Variants in CFAP47 observed in about 807,000 individuals in gnomAD.
CFAP47 encodes cilia and flagella associated protein 47, also known as cilia- and flagella-associated protein 47.
CFAP47 carries 29 observed loss-of-function variants against 148.1 expected under a neutral mutation model. The ratio of observed to expected loss-of-function variants is 0.20; its 90% CI spans 0.15 to 0.27. The LOEUF is 0.27. CFAP47 is among the 10% of genes least tolerant of loss of function. The pLI, the probability that CFAP47 is intolerant of heterozygous loss-of-function variation, is 1.00. For synonymous variants in CFAP47, 664 were observed against 577.3 expected (o/e 1.15, Z -2.15); for missense variants, 1,872 against 1,697.5 (o/e 1.10, Z -1.81).
chrX:36,031,105 A>G (rs1937273599), intron 22 of CFAP47, 148 bp from the exon 23 acceptor site: 1 of 245,797 alleles, frequency 4.1e-6, no homozygotes, highest in South Asian at 2.5e-4. Context: ...ATGTTTTTAA[A>G]TGTTATTTTA....
At chrX:36,318,596 G>C (rs1167157952) in intron 56 of CFAP47, among the ~76,000 whole-genome samples, 1 of 111,749 alleles carries the variant, frequency 8.9e-6, no homozygotes, top group Non-Finnish European at 1.9e-5. Flanking sequence ...ATGATGTAGG[G>C]AATAAAGACC....
intron 4 of CFAP47, among the ~76,000 whole-genome samples, chrX:35,948,838 G>T (rs1936124030): frequency 9.5e-6 from 1 of 104,748 alleles, no homozygotes; most frequent in Non-Finnish European, 2.0e-5. Flanking sequence ...GGGAGTTAGT[G>T]ATGGGAGTAG....
At chrX:35,953,747 A>T in intron 7 of CFAP47, 28 bp downstream of exon 7, 1 of 1,120,634 alleles carries the variant, frequency 8.9e-7, no homozygotes, top group Non-Finnish European at 1.2e-6. Flanking sequence ...AAAATTATCA[A>T]ATCCGTAGCC....
At chrX:36,235,691 A>C (rs2146909148) in intron 46 of CFAP47, among the ~76,000 whole-genome samples, 1 of 112,356 alleles carries the variant, frequency 8.9e-6, no homozygotes, top group African/African-American at 3.2e-5. Flanking sequence ...GGAAATGCAG[A>C]AATCACCCGT....
At chrX:36,177,496 A>T (rs1474829984) in intron 39 of CFAP47, among the ~76,000 whole-genome samples, 1 of 111,997 alleles carries the variant, frequency 8.9e-6, no homozygotes, top group Non-Finnish European at 1.9e-5. Flanking sequence ...GCTGACTTTA[A>T]ATGTAAATTA....
intron 16 of CFAP47, chrX:35,989,860 A>G (rs2146682987): frequency 6.9e-6 from 1 of 145,567 alleles, no homozygotes; most frequent in Non-Finnish European, 1.3e-5. Context: ...CTTTTACTAA[A>G]CCCCATCTAT....
chrX:36,171,978 A>C (rs1428252452), intron 39 of CFAP47, among the ~76,000 whole-genome samples: 8 of 109,471 alleles, frequency 7.3e-5, no homozygotes, highest in African/African-American at 2.0e-4. Flanking sequence ...TTTCCTTGAG[A>C]AGTGGTTTGT....
In CFAP47 at chrX:36,011,894, G is replaced by A. The variant is rs145422087; in HGVS notation, c.3418-2880G>A. On this transcript the variant is annotated intron_variant, in intron 21 of 63. Transcript: ENST00000378653. ...ATCAATTTTGGCTTTTGTTGCAATC[G>A]CTTTTGGTGTTTTAGTCATGAAGGC... is the stretch of plus-strand genomic sequence containing the variant. 1.4e-3 allele frequency among the ~76,000 whole-genome samples: 159 copies of A among 111,739 alleles called. 1 individual carries two copies. The highest frequency in any genetic ancestry group is 4.6e-3 in the Middle Eastern group (1 of 217).
At position 35,966,510 on chromosome X, in the gene CFAP47, G is replaced by A; in HGVS notation, c.1411-55G>A. Reference sequence around the variant, plus strand: ...AACTGGTTTTTTTTTTAGATTTGCTGTTAACTTTTTTTCTACCAATTTATT... The same window carrying A: ...AACTGGTTTTTTTTTTAGATTTGCTATTAACTTTTTTTCTACCAATTTATT... On this transcript the variant is annotated intron_variant, in intron 8 of 63. Transcript: ENST00000378653. The A allele has an allele frequency of 4.9e-6, 4 of 821,786 alleles. No homozygotes were observed. The African/African-American group carries it at 6.5e-5, about 13-fold the overall frequency. 67.7% of individuals were successfully genotyped at this position (821,786 alleles called of 1,213,427 possible).
chrX:36,291,998 TTCTC>T (rs1418119532), intron 51 of CFAP47, among the ~76,000 whole-genome samples: 1 of 111,314 alleles, frequency 9.0e-6, no homozygotes, highest in Non-Finnish European at 1.9e-5. Context: ...TAGTTTTCTT[TTCTC>T]TCTCAAGGTT....
intron 2 of CFAP47, among the ~76,000 whole-genome samples, chrX:35,937,910 C>T (rs1004900503): frequency 9.0e-6 from 1 of 111,668 alleles, no homozygotes; most frequent in Non-Finnish European, 1.9e-5. Context: ...TCTACATTTT[C>T]GTACATCAAC....
chrX:36,219,340 C>T (rs1555990504), intron 45 of CFAP47, among the ~76,000 whole-genome samples: 1 of 111,430 alleles, frequency 9.0e-6, no homozygotes. Flanking sequence ...TCTATTTAAT[C>T]TTAATGATGG....
chrX:35,987,871 G>A (rs759845340), intron 15 of CFAP47, among the ~76,000 whole-genome samples: 9 of 111,419 alleles, frequency 8.1e-5, no homozygotes, highest in East Asian at 5.7e-4. Context: ...GGAGTTTCCC[G>A]ACCACTTGTG....
At chrX:36,159,646 GTTATACATT>G in intron 38 of CFAP47, 70 bp downstream of exon 38, 1 of 292,141 alleles carries the variant, frequency 3.4e-6, no homozygotes, top group Non-Finnish European at 6.0e-6. Context: ...GCATGTTATT[GTTATACATT>G]TTATCTCTAG....
chrX:35,929,923 T>C (rs1935800989), intron 2 of CFAP47, among the ~76,000 whole-genome samples: 2 of 110,877 alleles, frequency 1.8e-5, no homozygotes, highest in Non-Finnish European at 3.8e-5. Flanking sequence ...CACCTGAGCC[T>C]GGGAGGTGGA....
At chrX:36,226,080 G>A (rs1343903456) in intron 45 of CFAP47, among the ~76,000 whole-genome samples, 3 of 111,661 alleles carry the variant, frequency 2.7e-5, no homozygotes, top group Non-Finnish European at 3.8e-5. Flanking sequence ...TTTTTTGTTC[G>A]TTTGTTTTTT....
intron 54 of CFAP47, among the ~76,000 whole-genome samples, chrX:36,306,386 A>T (rs1413583475): frequency 8.9e-6 from 1 of 111,944 alleles, no homozygotes; most frequent in African/African-American, 3.2e-5. Flanking sequence ...TGAAATGAAC[A>T]AAAGTAACAA....
Position 36,138,356 on chromosome X carries a change from T to C in CFAP47, c.5427T>C (p.Ser1809=). ...TTTTTTTTTTTTTACAGATTGAGTCTCATTTTATAAATATGTACACACGAC... is the reference window on the plus strand; with the variant it reads ...TTTTTTTTTTTTTACAGATTGAGTCCCATTTTATAAATATGTACACACGAC... The part of the protein sequence containing the change: ...LGAYCPFLIE[S]HFINMYTRPK... The change falls in exon 35 of 64, where the codon TCT becomes TCC. Residue 1809 remains serine, a synonymous_variant. Coordinates refer to ENST00000378653, the MANE Select transcript of CFAP47 (RefSeq NM_001304548.2). 8.9e-7 allele frequency: 1 copy of C among 1,126,688 alleles called. No individual in the cohort carries two copies. Among genetic ancestry groups the C allele is most frequent in the Non-Finnish European group, 1.2e-6 (1 of 857,837 alleles). The allele number at this position is 1,126,688 out of a possible 1,213,427, so 92.9% of individuals were successfully genotyped here. A position where few individuals can be genotyped will look rare whatever the true frequency, so the allele number is the denominator to read the frequency against.
intron 2 of CFAP47, among the ~76,000 whole-genome samples, chrX:35,941,080 T>G (rs1312203990): frequency 8.9e-6 from 1 of 111,884 alleles, no homozygotes; most frequent in East Asian, 2.8e-4. Flanking sequence ...CTCATTTCTT[T>G]GTTAAAAATG....
Sources: gnomAD v4.1 joint callset for allele counts (sites outside exome capture counted in the v4.1 genomes callset) on GRCh38, gnomAD v4.1.1 for gene constraint, MANE v1.5 for transcripts, NCBI Gene and HGNC (gene_info 2026-07-23, HGNC 2026-07-21) for gene names.